The following TTC21B variants were observed in gnomAD, a reference collection of about 807,000 sequenced individuals.
TTC21B encodes tetratricopeptide repeat domain 21B, also known as tetratricopeptide repeat protein 21B.
In TTC21B, 127 loss-of-function variants were observed where a neutral mutation model predicts 175.1. That is an observed-to-expected ratio of 0.73 (90% CI 0.63 to 0.84). The LOEUF (loss-of-function observed/expected upper bound fraction) is 0.84. Ranked by LOEUF, TTC21B falls within the 40% of genes least tolerant of loss-of-function variation. The pLI is 0.00. For missense variants in TTC21B, 1,561 were observed against 1,558.3 expected (o/e 1.00, Z -0.03); for synonymous variants, 524 against 524.5 (o/e 1.00, Z 0.01).
chr2:165,873,648 T>C lies in TTC21B; in HGVS notation c.*1107A>G, dbSNP rs1200937712. On this transcript the variant is annotated 3_prime_UTR_variant, in exon 29 of 29. Coordinates refer to ENST00000243344, the MANE Select transcript of TTC21B (RefSeq NM_024753.5). ...TCAAATGTTACAGTGTCTGAAATTATACCTGCAGACCAAGTCTTCTAGGCT... is the reference window on the plus strand; with the variant it reads ...TCAAATGTTACAGTGTCTGAAATTACACCTGCAGACCAAGTCTTCTAGGCT... 6 of 152,244 alleles carry C rather than the reference T, an allele frequency of 3.9e-5. No individual in the cohort carries two copies. In the South Asian group the frequency reaches 6.2e-4, roughly 16 times the overall value. 9.4% of individuals were successfully genotyped at this position (152,244 alleles called of 1,614,324 possible).
Position 165,894,462 on chromosome 2 carries a change from C to G in TTC21B, c.2951-3474G>C, listed in dbSNP as rs182163062. 3.0e-4 allele frequency among the ~76,000 whole-genome samples: 46 copies of G among 152,180 alleles called. No homozygotes were observed. The East Asian group carries it at 3.9e-3, about 13-fold the overall frequency. ...GATGCATGTTTTAGAGTAATTCCAA[C>G]AAAATAGATCTGTGGATAAGTATGT... On this transcript the variant is annotated intron_variant, in intron 22 of 28. Transcript: ENST00000243344.
chr2:165,946,334 G>A (rs1218718403), intron 3 of TTC21B, among the ~76,000 whole-genome samples: 2 of 151,188 alleles, frequency 1.3e-5, no homozygotes, highest in South Asian at 2.1e-4. Context: ...GCAAGACCCC[G>A]ACTCAAAAAT....
rs747246700 is a variant in TTC21B at position 165,899,861 on chromosome 2, C to G, written c.2777G>C (p.Arg926Pro). Residue 926 changes from arginine (R) to proline (P), a missense_variant, in exon 21 of 29, where the codon CGA (arginine) becomes CCA (proline). Arg to Pro is a moderately radical substitution (Grantham distance 103). Transcript: ENST00000243344. ...TDNKIMLELA[R>P]LYLAQDDPDS... ...AGGGTCATCTTGTGCCAGGTATAAT[C>G]GTGCCAGTTCCAACATAATCTGTAG... 1.4e-5 allele frequency: 22 copies of G among 1,612,598 alleles called. No individual in the cohort carries two copies. The highest frequency in any genetic ancestry group is 1.8e-5 in the Non-Finnish European group (21 of 1,179,012).
intron 2 of TTC21B, 31 bp downstream of exon 2, chr2:165,949,564 T>C: frequency 6.2e-7 from 1 of 1,613,818 alleles, no homozygotes; most frequent in Non-Finnish European, 8.5e-7. Context: ...AATTTAAAAC[T>C]GATGGAACAT....
chr2:165,925,952 C>A (rs898904241), intron 11 of TTC21B, among the ~76,000 whole-genome samples: 15 of 152,012 alleles, frequency 9.9e-5, no homozygotes, highest in Admixed American at 9.2e-4. Flanking sequence ...TGAGAACAAC[C>A]ATCATTTTCA....
At chr2:165,946,768 G>A (rs1323578292) in intron 3 of TTC21B, among the ~76,000 whole-genome samples, 1 of 152,040 alleles carries the variant, frequency 6.6e-6, no homozygotes, top group Non-Finnish European at 1.5e-5. Flanking sequence ...AACCCAGGAG[G>A]CAGAGGTTGC....
chr2:165,918,398 C>T (rs978949516), intron 13 of TTC21B, among the ~76,000 whole-genome samples: 63 of 152,122 alleles, frequency 4.1e-4, no homozygotes, highest in African/African-American at 1.5e-3. Context: ...AGGTTCACGC[C>T]ATTCTCCTGC....
chr2:165,935,471 A>G (rs1687094660), intron 6 of TTC21B, among the ~76,000 whole-genome samples: 1 of 152,152 alleles, frequency 6.6e-6, no homozygotes, highest in African/African-American at 2.4e-5. Context: ...TGCATTTTCA[A>G]TTCATAGAAT....
rs187342009 is a variant in TTC21B at position 165,908,560 on chromosome 2, C to G, written c.2462-776G>C. Among the ~76,000 whole-genome samples, 688 of 152,238 alleles carry G rather than the reference C, an allele frequency of 4.5e-3. 2 individuals carry two copies. Among genetic ancestry groups the G allele is most frequent in the Non-Finnish European group, 7.3e-3 (498 of 67,996 alleles). ...AGTGCACAGTTCATGACACGCCATG[C>G]CACTTTACCAACTAGGTAGTCCTGG... is the stretch of plus-strand genomic sequence containing the variant. On this transcript the variant is annotated intron_variant, in intron 18 of 28. Coordinates refer to ENST00000243344, the MANE Select transcript of TTC21B (RefSeq NM_024753.5).
At position 165,953,710 on chromosome 2, in the gene TTC21B, G is replaced by A. The variant is rs1330228730; in HGVS notation, c.-5C>T. ...CTTCAATTCCTGCGAGTCCATGGCTGCCCCGAGGCCGGGCCGCGGGGCTCT... is the reference window on the plus strand; with the variant it reads ...CTTCAATTCCTGCGAGTCCATGGCTACCCCGAGGCCGGGCCGCGGGGCTCT... On this transcript the variant is annotated 5_prime_UTR_variant, in exon 1 of 29. Coordinates refer to ENST00000243344, the MANE Select transcript of TTC21B (RefSeq NM_024753.5). 8 of 1,511,992 alleles carry A rather than the reference G, an allele frequency of 5.3e-6. No homozygotes were observed. The South Asian group carries it at 9.7e-5, about 18-fold the overall frequency. The allele number at this position is 1,511,992 out of a possible 1,614,324, so 93.7% of individuals were successfully genotyped here. A position where few individuals can be genotyped will look rare whatever the true frequency, so the allele number is the denominator to read the frequency against.
intron 3 of TTC21B, 42 bp from the exon 4 acceptor site, chr2:165,945,732 A>G (rs1216560228): frequency 1.3e-6 from 2 of 1,594,860 alleles, no homozygotes; most frequent in African/African-American, 2.7e-5. Flanking sequence ...TAAATTCTGG[A>G]TCAGGTATTT....
intron 1 of TTC21B, 108 bp from the exon 2 acceptor site, chr2:165,949,832 G>A: frequency 2.5e-6 from 3 of 1,178,196 alleles, no homozygotes; most frequent in Non-Finnish European, 3.6e-6. Flanking sequence ...TTCAGGCAAT[G>A]TGACTTTTTT....
chr2:165,905,332 A>C, intron 19 of TTC21B, among the ~76,000 whole-genome samples: 1 of 152,116 alleles, frequency 6.6e-6, no homozygotes, highest in Non-Finnish European at 1.5e-5. Context: ...CCAAATGCAA[A>C]TATAATTCAT....
At chr2:165,933,155 G>T in intron 6 of TTC21B, 98 bp from the exon 7 acceptor site, 1 of 877,940 alleles carries the variant, frequency 1.1e-6, no homozygotes. Context: ...CTATTCCACT[G>T]TTCAAATAAG....
intron 11 of TTC21B, among the ~76,000 whole-genome samples, chr2:165,925,614 T>G (rs563143457): frequency 6.6e-6 from 1 of 152,182 alleles, no homozygotes; most frequent in Non-Finnish European, 1.5e-5. Context: ...ACACAATATA[T>G]ACGCTCAAAA....
Position 165,953,746 on chromosome 2 carries a change from T to A in TTC21B, c.-41A>T. 6.5e-7 allele frequency: 1 copy of A among 1,546,810 alleles called. No individual in the cohort carries two copies. The highest frequency in any genetic ancestry group is 8.7e-7 in the Non-Finnish European group (1 of 1,145,604). On this transcript the variant is annotated 5_prime_UTR_variant, in exon 1 of 29. Coordinates refer to ENST00000243344, the MANE Select transcript of TTC21B (RefSeq NM_024753.5). ...GGGCCGCGGGGCTCTGGGGATTGTC[T>A]CGCCGCAGCCTAAAGGAAGACGCAG...
At position 165,912,442 on chromosome 2, in the gene TTC21B, G is replaced by A. The variant is rs890656650; in HGVS notation, c.2322+72C>T. ...ACCATTAAAGATGCAAATGGTGCTC[G>A]CTGAAGCTTCTCGAGGACAGGGTAT... is the stretch of plus-strand genomic sequence containing the variant. On this transcript the variant is annotated intron_variant, in intron 17 of 28. Coordinates refer to ENST00000243344, the MANE Select transcript of TTC21B (RefSeq NM_024753.5). 4.5e-5 allele frequency: 53 copies of A among 1,185,330 alleles called. No homozygotes were observed. The Admixed American group carries it at 4.9e-4, about 11-fold the overall frequency. 73.4% of individuals were successfully genotyped at this position (1,185,330 alleles called of 1,614,324 possible).
At chr2:165,908,840 A>G (rs1009653802) in intron 18 of TTC21B, among the ~76,000 whole-genome samples, 3 of 152,108 alleles carry the variant, frequency 2.0e-5, no homozygotes, top group Non-Finnish European at 4.4e-5. Context: ...GTATATCCAC[A>G]TTTAGGCCTT....
At chr2:165,900,676 G>A (rs1031985816) in intron 20 of TTC21B, among the ~76,000 whole-genome samples, 1 of 151,956 alleles carries the variant, frequency 6.6e-6, no homozygotes, top group African/African-American at 2.4e-5. Context: ...TACAACAGCT[G>A]TTTAGTAAAA....
Sources: gnomAD v4.1 joint callset for allele counts (sites outside exome capture counted in the v4.1 genomes callset) on GRCh38, gnomAD v4.1.1 for gene constraint, MANE v1.5 for transcripts, NCBI Gene and HGNC (gene_info 2026-07-23, HGNC 2026-07-21) for gene names.